Variants in STIM2 observed in about 807,000 individuals in gnomAD.
STIM2 encodes the protein stromal interaction molecule 2.
In STIM2, 31 loss-of-function variants were observed where a neutral mutation model predicts 85.8. That is an observed-to-expected ratio of 0.36 (90% CI 0.27 to 0.49). STIM2 has a LOEUF of 0.49. Ranked by LOEUF, STIM2 falls within the 20% of genes least tolerant of loss-of-function variation. The probability of loss-of-function intolerance (pLI) is 0.98; values close to 1 mark genes in which losing one functional copy is unlikely to be tolerated. For synonymous variants in STIM2, 356 were observed against 331.1 expected (o/e 1.08, Z -0.82); for missense variants, 841 against 927.6 (o/e 0.91, Z 1.21).
At chr4:26,993,973 A>C (rs916323807) in intron 3 of STIM2, among the ~76,000 whole-genome samples, 14 of 152,158 alleles carry the variant, frequency 9.2e-5, no homozygotes, top group African/African-American at 3.1e-4. Flanking sequence ...AAGAAAATGC[A>C]TACAAAGGAC....
Position 26,954,036 on chromosome 4 carries a change from T to G in STIM2, c.283-3576T>G, listed in dbSNP as rs140024863. On this transcript the variant is annotated intron_variant, in intron 2 of 11. Transcript: ENST00000467087. The stretch of plus-strand genomic sequence containing the variant: ...GGGGGTGACTAGACACACACAGGGA[T>G]CTACACTAATGTTGGTGAGTATTTG... 2.4e-4 allele frequency among the ~76,000 whole-genome samples: 37 copies of G among 152,238 alleles called. No homozygotes were observed. In the East Asian group the frequency reaches 7.1e-3, roughly 29 times the overall value.
chr4:27,022,825 G>T lies in STIM2; in HGVS notation c.2070G>T (p.Val690=). ...ACCAGCTTTCCAGTGGCATCCCGGT[G>T]CCTAAACCTCGCCACACATCATGTT... is the stretch of plus-strand genomic sequence containing the variant. The change falls in exon 12 of 12, where the codon GTG becomes GTT. Residue 690 remains valine (V), a synonymous_variant. Coordinates refer to ENST00000467087, the MANE Select transcript of STIM2 (RefSeq NM_020860.4). 6.2e-7 allele frequency: 1 copy of T among 1,614,202 alleles called. No individual in the cohort carries two copies. Among genetic ancestry groups the T allele is most frequent in the South Asian group, 1.1e-5 (1 of 91,088 alleles).
chr4:26,880,681 A>AAATATATATGTG (rs1722980917), intron 1 of STIM2, among the ~76,000 whole-genome samples: 1 of 143,140 alleles, frequency 7.0e-6, no homozygotes, highest in Non-Finnish European at 1.5e-5. Context: ...ATATATATGT[A>AAATATATATGTG]AATATATATA....
chr4:27,009,494 G>A (rs1439425752), intron 10 of STIM2, among the ~76,000 whole-genome samples: 1 of 152,150 alleles, frequency 6.6e-6, no homozygotes, highest in African/African-American at 2.4e-5. Flanking sequence ...TAAAAATTAG[G>A]GGAAGATCTT....
chr4:27,010,957 A>G (rs1577495996), intron 10 of STIM2, among the ~76,000 whole-genome samples: 2 of 152,176 alleles, frequency 1.3e-5, no homozygotes, highest in African/African-American at 2.4e-5. Flanking sequence ...TGTGATAACA[A>G]TTTATTTAAA....
intron 10 of STIM2, among the ~76,000 whole-genome samples, chr4:27,016,317 A>T (rs1369530351): frequency 6.6e-6 from 1 of 152,172 alleles, no homozygotes; most frequent in East Asian, 1.9e-4. Context: ...TTGTGTTTGC[A>T]TAGCGGATTG....
intron 4 of STIM2, among the ~76,000 whole-genome samples, chr4:26,997,238 A>T (rs187678054): frequency 2.0e-5 from 3 of 152,312 alleles, no homozygotes; most frequent in African/African-American, 7.2e-5. Context: ...AGTTACAAGA[A>T]TGTATAAGAA....
At chr4:26,870,091 T>C (rs1354337416) in intron 1 of STIM2, among the ~76,000 whole-genome samples, 1 of 152,088 alleles carries the variant, frequency 6.6e-6, no homozygotes, top group East Asian at 1.9e-4. Context: ...TCTGAAAATA[T>C]CAAACTTACA....
At chr4:26,885,871 A>ATATATATG (rs1560194736) in intron 1 of STIM2, among the ~76,000 whole-genome samples, 5 of 117,912 alleles carry the variant, frequency 4.2e-5, no homozygotes, top group African/African-American at 1.3e-4. Context: ...ATATATATAT[A>ATATATATG]TATGTATATG....
chr4:26,969,467 C>T (rs1459780400), intron 3 of STIM2, among the ~76,000 whole-genome samples: 1 of 152,182 alleles, frequency 6.6e-6, no homozygotes, highest in Non-Finnish European at 1.5e-5. Flanking sequence ...AATGATAGTG[C>T]TACAGCTCTA....
At chr4:26,892,613 C>T (rs192682562) in intron 1 of STIM2, among the ~76,000 whole-genome samples, 2 of 152,198 alleles carry the variant, frequency 1.3e-5, no homozygotes, top group East Asian at 3.9e-4. Flanking sequence ...ATATGTTTTA[C>T]CAATAAGCTT....
intron 4 of STIM2, 25 bp from the exon 5 acceptor site, chr4:26,999,205 ATG>A (rs750990234): frequency 1.0e-4 from 105 of 1,052,612 alleles, no homozygotes; most frequent in South Asian, 1.4e-4. Context: ...ATATATATAT[ATG>A]TGTGTGTGTT....
At chr4:27,006,444 T>G (rs762539580) in intron 7 of STIM2, among the ~76,000 whole-genome samples, 16 of 152,204 alleles carry the variant, frequency 1.1e-4, no homozygotes, top group Non-Finnish European at 2.1e-4. Flanking sequence ...AAAATTAATC[T>G]GCGGGGTGGT....
Position 26,964,143 on chromosome 4 carries a change from C to A in STIM2, c.397+6417C>A, listed in dbSNP as rs76867331. On this transcript the variant is annotated intron_variant, in intron 3 of 11. Coordinates refer to ENST00000467087, the MANE Select transcript of STIM2 (RefSeq NM_020860.4). ...TGGGAGATTGGGTCAGAGAAGGAGA[C>A]CAGACTGTAGTGAGTCTCTGTGTAA... 7.0e-3 allele frequency among the ~76,000 whole-genome samples: 1,063 copies of A among 152,210 alleles called. 8 individuals carry two copies. Among genetic ancestry groups the A allele is most frequent in the Middle Eastern group, 0.048 (14 of 294 alleles).
At chr4:26,865,911 G>T (rs1722390004) in intron 1 of STIM2, among the ~76,000 whole-genome samples, 1 of 151,960 alleles carries the variant, frequency 6.6e-6, no homozygotes, top group Non-Finnish European at 1.5e-5. Context: ...GTTCCTATGT[G>T]TTAGTATTGT....
chr4:26,941,188 T>G (rs1442685856), intron 2 of STIM2, among the ~76,000 whole-genome samples: 1 of 152,162 alleles, frequency 6.6e-6, no homozygotes, highest in Non-Finnish European at 1.5e-5. Context: ...GCATTTCCCT[T>G]AGGATTTCGT....
intron 1 of STIM2, among the ~76,000 whole-genome samples, chr4:26,885,436 A>G (rs984369871): frequency 6.6e-6 from 1 of 152,014 alleles, no homozygotes; most frequent in African/African-American, 2.4e-5. Context: ...TTGCTTCCCT[A>G]TTTTTGAATG....
chr4:27,012,715 G>A lies in STIM2; in HGVS notation c.1489+3713G>A, dbSNP rs139474947. Reference sequence around the variant, plus strand: ...ATATTGAATGAAAATGGTGACTGCAGGCAATAGGGATTGCCATTTCTGACT... The same window carrying A: ...ATATTGAATGAAAATGGTGACTGCAAGCAATAGGGATTGCCATTTCTGACT... On this transcript the variant is annotated intron_variant, in intron 10 of 11. Coordinates refer to ENST00000467087, the MANE Select transcript of STIM2 (RefSeq NM_020860.4). Among the ~76,000 whole-genome samples, 251 of 152,076 alleles carry A rather than the reference G, an allele frequency of 1.7e-3. 1 individual carries two copies. The highest frequency in any genetic ancestry group is 0.014 in the Middle Eastern group (4 of 294).
At chr4:27,021,290 T>G (rs1728901722) in intron 11 of STIM2, 1 of 479,378 alleles carries the variant, frequency 2.1e-6, no homozygotes, top group African/African-American at 2.0e-5. Context: ...AAATATCATT[T>G]TAGGTTTTGG....
Sources: allele counts gnomAD v4.1 joint callset (sites outside exome capture counted in the v4.1 genomes callset), GRCh38; gene constraint gnomAD v4.1.1; transcripts MANE v1.5; gene names NCBI Gene and HGNC (gene_info 2026-07-23, HGNC 2026-07-21).